The following TARS2 variants were observed in gnomAD, a reference collection of about 807,000 sequenced individuals.
TARS2 encodes the protein threonine--tRNA ligase, mitochondrial.
In TARS2, 61 loss-of-function variants were observed where a neutral mutation model predicts 94.4. The observed-to-expected ratio is 0.65, with a 90% CI of 0.53 to 0.80. The LOEUF is 0.80. Ranked by LOEUF, TARS2 falls within the 30% of genes least tolerant of loss-of-function variation. The pLI, the probability that TARS2 is intolerant of heterozygous loss-of-function variation, is 0.00. For missense variants in TARS2, 704 were observed against 902.5 expected, an observed-to-expected ratio of 0.78 and a Z score of 2.82; for synonymous variants, 359 against 353.4, an observed-to-expected ratio of 1.02 and a Z score of -0.18.
chr1:150,495,206 G>C lies in TARS2; in HGVS notation c.775-1276G>C, dbSNP rs115828606. Among the ~76,000 whole-genome samples the C allele has an allele frequency of 3.5e-3, 527 of 148,564 alleles. 3 individuals carry two copies. The highest frequency in any genetic ancestry group is 5.9e-3 in the Non-Finnish European group (397 of 66,832). ...AAAAGAAAAAAAAAATTAGTCGAGTGTGGTGGTGGTGGCCTGTAGTCCCAG... is the reference window on the plus strand; with the variant it reads ...AAAAGAAAAAAAAAATTAGTCGAGTCTGGTGGTGGTGGCCTGTAGTCCCAG... On this transcript the variant is annotated intron_variant, in intron 7 of 17. Coordinates refer to ENST00000369064, the MANE Select transcript of TARS2 (RefSeq NM_025150.5).
At chr1:150,503,687 A>ATATATGTG (rs2102508434) in intron 13 of TARS2, among the ~76,000 whole-genome samples, 1 of 131,194 alleles carries the variant, frequency 7.6e-6, no homozygotes, top group East Asian at 2.4e-4. Flanking sequence ...ATATATGTGT[A>ATATATGTG]TATATATGTG....
At chr1:150,492,298 C>A in intron 6 of TARS2, 113 bp from the exon 7 acceptor site, 2 of 1,121,792 alleles carry the variant, frequency 1.8e-6, no homozygotes, top group South Asian at 1.3e-5. Context: ...TGCCCTCTCT[C>A]AGTAGGACAG....
chr1:150,493,393 G>C (rs1050521938), intron 7 of TARS2, among the ~76,000 whole-genome samples: 1 of 152,112 alleles, frequency 6.6e-6, no homozygotes, highest in Non-Finnish European at 1.5e-5. Context: ...AGGGGGCGTG[G>C]TCCAGGAGGA....
At chr1:150,489,767 C>T (rs1015062454) in intron 3 of TARS2, among the ~76,000 whole-genome samples, 6 of 152,074 alleles carry the variant, frequency 3.9e-5, no homozygotes, top group African/African-American at 1.4e-4. Context: ...ATAGTAGAAA[C>T]CCCGTCTCTA....
intron 13 of TARS2, among the ~76,000 whole-genome samples, chr1:150,503,657 A>G (rs1400376826): frequency 4.0e-5 from 6 of 149,204 alleles, no homozygotes; most frequent in Admixed American, 2.7e-4. Flanking sequence ...GTGTGTATAT[A>G]TGTGTGTATA....
intron 9 of TARS2, 110 bp downstream of exon 9, chr1:150,497,018 C>T (rs749586450): frequency 3.9e-6 from 4 of 1,016,128 alleles, no homozygotes; most frequent in South Asian, 3.0e-5. Flanking sequence ...CACAGTGGCT[C>T]ACATCTATAA....
At position 150,491,497 on chromosome 1, in the gene TARS2, C is replaced by T. The variant is rs780461008; in HGVS notation, c.616C>T (p.Arg206Cys). ...RRLEASRDQL[R>C]QLFKDNPFKL... ...GCTAGAGGCTTCACGGGATCAGCTT[C>T]GCCAGTTGTTCAAGGTGGGGTGGAG... is the stretch of plus-strand genomic sequence containing the variant. Residue 206 changes from arginine (R) to cysteine (C), a missense_variant, in exon 5 of 18, where the codon CGC (arginine) becomes TGC (cysteine). Around this residue, in one of 3 missense-constraint regions of TARS2, gnomAD observed 30 missense variants for 64.5 expected, o/e 0.47. Transcript: ENST00000369064. 8 of 1,614,186 alleles carry T rather than the reference C, an allele frequency of 5.0e-6. No individual in the cohort carries two copies. Among genetic ancestry groups the T allele is most frequent in the South Asian group, 3.3e-5 (3 of 91,092 alleles).
rs34542152 is a variant in TARS2 at position 150,498,680 on chromosome 1, C to T, written c.1401+16C>T. On this transcript the variant is annotated intron_variant, in intron 11 of 17. Transcript: ENST00000369064. ...AACAGATCAGGTGGCCTTTCCCTGGCTCCACCAAAGCTTTTCTAAACCACC... is the reference window on the plus strand; with the variant it reads ...AACAGATCAGGTGGCCTTTCCCTGGTTCCACCAAAGCTTTTCTAAACCACC... 98,054 of 1,613,080 alleles carry T rather than the reference C, an allele frequency of 0.061. 3,242 individuals are homozygous for T. Among genetic ancestry groups the T allele is most frequent in the African/African-American group, 0.075 (5,643 of 74,938 alleles).
chr1:150,505,516 G>A, intron 16 of TARS2, 75 bp from the exon 17 acceptor site: 1 of 1,324,682 alleles, frequency 7.5e-7, no homozygotes, highest in Non-Finnish European at 1.1e-6. Flanking sequence ...GGCATTGAGG[G>A]AAAAGAGCAT....
rs1815544 is a variant in TARS2 at position 150,507,425 on chromosome 1, C to T, written c.*361C>T. On this transcript the variant is annotated 3_prime_UTR_variant, in exon 18 of 18. Coordinates refer to ENST00000369064, the MANE Select transcript of TARS2 (RefSeq NM_025150.5). Reference sequence around the variant, plus strand: ...TCTACTAAAAATACAAAAAATTAGCCGGGCATGGTGGCACACGCCTGTAAT... The same window carrying T: ...TCTACTAAAAATACAAAAAATTAGCTGGGCATGGTGGCACACGCCTGTAAT... 0.31 allele frequency: 53,082 copies of T among 172,878 alleles called. 9,790 individuals carry two copies. Among genetic ancestry groups the T allele is most frequent in the Non-Finnish European group, 0.4 (32,418 of 80,432 alleles). The allele number at this position is 172,878 out of a possible 1,614,324, so 10.7% of individuals were successfully genotyped here.
intron 7 of TARS2, among the ~76,000 whole-genome samples, chr1:150,493,753 C>CAA (rs1158957081): frequency 3.3e-5 from 3 of 91,704 alleles, no homozygotes; most frequent in Non-Finnish European, 4.6e-5. Flanking sequence ...AACTCCGTCT[C>CAA]AAAAAAAAAA....
At chr1:150,490,480 G>T (rs1669333472) in intron 3 of TARS2, 121 bp from the exon 4 acceptor site, 2 of 1,400,912 alleles carry the variant, frequency 1.4e-6, no homozygotes, top group Non-Finnish European at 9.5e-7. Context: ...CCCATTTTGT[G>T]GTAGTTATTC....
chr1:150,493,652 C>T (rs1397991611), intron 7 of TARS2, among the ~76,000 whole-genome samples: 1 of 151,668 alleles, frequency 6.6e-6, no homozygotes, highest in African/African-American at 2.4e-5. Flanking sequence ...ACTTGTGAGG[C>T]TGAGGCAGGA....
At chr1:150,500,843 G>A (rs78535620) in intron 13 of TARS2, among the ~76,000 whole-genome samples, 3,056 of 152,108 alleles carry the variant, frequency 0.02, 130 homozygotes, top group African/African-American at 0.07. Flanking sequence ...ATAATAAAAT[G>A]AAAAATAAAA....
At position 150,490,702 on chromosome 1, in the gene TARS2, T is replaced by C. The variant is rs1235259621; in HGVS notation, c.489T>C (p.His163=). 2 of 1,613,734 alleles carry C rather than the reference T, an allele frequency of 1.2e-6. No individual in the cohort carries two copies. The highest frequency in any genetic ancestry group is 1.7e-6 in the Non-Finnish European group (2 of 1,179,980). ...CAAGTACAGAATATGGCTTTTACCA[T>C]GATTTCTTCCTGGGAAAGGAGAGGT... ...RGPSTEYGFY[H]DFFLGKERTI... The change falls in exon 4 of 18, where the codon CAT becomes CAC. Residue 163 remains histidine, a synonymous_variant. Coordinates refer to ENST00000369064, the MANE Select transcript of TARS2 (RefSeq NM_025150.5).
intron 10 of TARS2, 35 bp from the exon 11 acceptor site, chr1:150,498,467 C>T (rs758242867): frequency 2.0e-5 from 30 of 1,524,260 alleles, no homozygotes; most frequent in Non-Finnish European, 2.5e-5. Context: ...GCTAGTCCTC[C>T]CTATGGCCCT....
intron 17 of TARS2, among the ~76,000 whole-genome samples, chr1:150,506,170 A>C (rs2102514501): frequency 6.6e-6 from 1 of 152,184 alleles, no homozygotes; most frequent in Non-Finnish European, 1.5e-5. Context: ...CTCCTCAGCC[A>C]GATTACCTGA....
chr1:150,489,387 C>G, intron 3 of TARS2: 1 of 384,896 alleles, frequency 2.6e-6, no homozygotes, highest in South Asian at 2.1e-5. Context: ...CATTATAAGT[C>G]ATCTGTAGTG....
chr1:150,492,292 C>A, intron 6 of TARS2, 119 bp from the exon 7 acceptor site: 1 of 1,054,576 alleles, frequency 9.5e-7, no homozygotes, highest in East Asian at 2.4e-5. Context: ...TGCCATTGCC[C>A]TCTCTCAGTA....
Sources: allele counts gnomAD v4.1 joint callset (sites outside exome capture counted in the v4.1 genomes callset), GRCh38; gene constraint gnomAD v4.1.1; regional missense constraint gnomAD v4.1.1; transcripts MANE v1.5; gene names NCBI Gene and HGNC (gene_info 2026-07-23, HGNC 2026-07-21).